The following MED1 variants were observed in gnomAD, a reference collection of about 807,000 sequenced individuals.
MED1 encodes mediator complex subunit 1.
A neutral mutation model predicts 121.3 loss-of-function variants in MED1; 17 were observed. The observed-to-expected ratio is 0.14, with a 90% CI of 0.10 to 0.21. MED1 has a LOEUF of 0.21. MED1 is among the 10% of genes least tolerant of loss of function. MED1 has a pLI of 1.00. For synonymous variants in MED1, 661 were observed against 694.4 expected, an observed-to-expected ratio of 0.95 and a Z score of 0.76; for missense variants, 1,558 against 1,919.4, an observed-to-expected ratio of 0.81 and a Z score of 3.52.
At chr17:39,432,241 G>A (rs1241232122) in intron 7 of MED1, among the ~76,000 whole-genome samples, 1 of 150,448 alleles carries the variant, frequency 6.6e-6, no homozygotes, top group African/African-American at 2.4e-5. Context: ...TGCTCGGAAG[G>A]GTGAGGCAGG....
chr17:39,429,701 CTAAAAAAA>C (rs1417514139), intron 9 of MED1, among the ~76,000 whole-genome samples: 2 of 29,076 alleles, frequency 6.9e-5, no homozygotes, highest in Non-Finnish European at 1.4e-4. Flanking sequence ...GCCTAAATGC[CTAAAAAAA>C]AAAAAAAAAA....
At position 39,407,214 on chromosome 17, in the gene MED1, C is replaced by T; in HGVS notation, c.*261G>A. 2 of 247,712 alleles carry T rather than the reference C, an allele frequency of 8.1e-6. No individual in the cohort carries two copies. Among genetic ancestry groups the T allele is most frequent in the South Asian group, 1.7e-4 (1 of 5,800 alleles). 15.3% of individuals were successfully genotyped at this position (247,712 alleles called of 1,614,324 possible). A position where few individuals can be genotyped will look rare whatever the true frequency, so the allele number is the denominator to read the frequency against. On this transcript the variant is annotated 3_prime_UTR_variant, in exon 17 of 17. Transcript: ENST00000300651. ...CTCCCTACACCCCTCCCACCCCCCT[C>T]CCTTTCTTAAGCAAGTATTTTAACT... is the stretch of plus-strand genomic sequence containing the variant.
chr17:39,434,635 A>G (rs985319987), intron 6 of MED1, among the ~76,000 whole-genome samples: 1 of 152,158 alleles, frequency 6.6e-6, no homozygotes, highest in Non-Finnish European at 1.5e-5. Context: ...ATTTAAATCA[A>G]TCATTAACAA....
chr17:39,442,027 C>T (rs894189078), intron 3 of MED1, among the ~76,000 whole-genome samples: 6 of 139,356 alleles, frequency 4.3e-5, no homozygotes, highest in East Asian at 2.4e-4. Flanking sequence ...CACTTGAATC[C>T]GGGAAACGGA....
In MED1 at chr17:39,415,061, G is replaced by A. The variant is rs140297817; in HGVS notation, c.1464C>T (p.Ile488=). The change falls in exon 16 of 17, where the codon ATC becomes ATT. Residue 488 remains isoleucine (I), a synonymous_variant. Transcript: ENST00000300651. ...KLYKGLSDAL[I]CTDDFIAKVV... ...CTTTGGCAATGAAGTCATCTGTGCA[G>A]ATCAGTGCATCCGACAGCCCTTTGT... is the stretch of plus-strand genomic sequence containing the variant. 1 of 1,614,156 alleles carries A rather than the reference G, an allele frequency of 6.2e-7. No homozygotes were observed. The highest frequency in any genetic ancestry group is 8.5e-7 in the Non-Finnish European group (1 of 1,180,018).
intron 16 of MED1, among the ~76,000 whole-genome samples, chr17:39,412,533 CTT>C (rs1170139893): frequency 9.8e-5 from 10 of 102,298 alleles, no homozygotes; most frequent in African/African-American, 1.4e-4. Context: ...GCAAATTTTT[CTT>C]TTTTTTTTTT....
chr17:39,450,311 A>ACC (rs1387970317), intron 1 of MED1, among the ~76,000 whole-genome samples: 1 of 152,142 alleles, frequency 6.6e-6, no homozygotes, highest in Non-Finnish European at 1.5e-5. Context: ...CTGCTGATAA[A>ACC]TATCTGTACT....
At position 39,440,123 on chromosome 17, in the gene MED1, A is replaced by AG. The variant is rs1173035513; in HGVS notation, c.399+262dup. 1.3e-5 allele frequency among the ~76,000 whole-genome samples: 2 copies of AG among 151,952 alleles called. No individual in the cohort carries two copies. ...AAGAAAGAAAAAAGAAAGAAAAGAAAGAAAGGAAGGAAGGAAGGAAGGAAA... is the reference window on the plus strand; with the variant it reads ...AAGAAAGAAAAAAGAAAGAAAAGAAAGGAAAGGAAGGAAGGAAGGAAGGAAA... On this transcript the variant is annotated intron_variant, in intron 5 of 16. Transcript: ENST00000300651. This position sits in a 1 kb window ranked among gnomAD's most constrained non-coding sequence, Gnocchi z 4.1.
intron 9 of MED1, among the ~76,000 whole-genome samples, chr17:39,429,422 G>A (rs541150221): frequency 6.6e-6 from 1 of 152,180 alleles, no homozygotes; most frequent in Non-Finnish European, 1.5e-5. Context: ...AAGCCCAGGC[G>A]CAGTGGCTCA....
In MED1 at chr17:39,407,915, T is replaced by C; in HGVS notation, c.4306A>G (p.Ile1436Val). The C allele has an allele frequency of 1.2e-6, 2 of 1,614,188 alleles. No homozygotes were observed. Among genetic ancestry groups the C allele is most frequent in the Non-Finnish European group, 1.7e-6 (2 of 1,180,042 alleles). ...TCATGCTTTGGAGTGGAACCACTGA[T>C]GAGTGGAGAGCCATAGTTTTTAGAA... ...ASSKNYGSPL[I>V]SGSTPKHERG... The change falls in exon 17 of 17, where the codon ATC becomes GTC. Residue 1436 changes from isoleucine (I) to valine (V), a missense_variant. Coordinates refer to ENST00000300651, the MANE Select transcript of MED1 (RefSeq NM_004774.4).
At chr17:39,424,543 G>T in intron 11 of MED1, 84 bp downstream of exon 11, 1 of 806,970 alleles carries the variant, frequency 1.2e-6, no homozygotes, top group South Asian at 1.6e-5. Context: ...AAATTCAAGT[G>T]GGGTAACAGC....
At chr17:39,429,039 G>T (rs2048540662) in intron 9 of MED1, among the ~76,000 whole-genome samples, 2 of 151,622 alleles carry the variant, frequency 1.3e-5, no homozygotes, top group East Asian at 1.9e-4. Context: ...AAAAAAAAAG[G>T]CCAGGTGAAC....
At chr17:39,431,570 C>T (rs1254592977) in intron 8 of MED1, among the ~76,000 whole-genome samples, 1 of 152,176 alleles carries the variant, frequency 6.6e-6, no homozygotes, top group Non-Finnish European at 1.5e-5. Context: ...TGAGCCACCG[C>T]GCCCAGCCCA....
intron 1 of MED1, among the ~76,000 whole-genome samples, chr17:39,449,900 C>T (rs1343579415): frequency 6.7e-6 from 1 of 149,490 alleles, no homozygotes; most frequent in African/African-American, 2.5e-5. Context: ...CCACAACCTC[C>T]ACCTCCTGGG....
intron 14 of MED1, among the ~76,000 whole-genome samples, chr17:39,416,652 TA>T (rs1213156985): frequency 6.6e-6 from 1 of 152,174 alleles, no homozygotes; most frequent in Non-Finnish European, 1.5e-5. Context: ...CTCCAACTAC[TA>T]AAAATTTCTC....
intron 3 of MED1, among the ~76,000 whole-genome samples, chr17:39,441,857 C>A (rs11650146): frequency 0.63 from 95,742 of 152,102 alleles, 32,852 homozygotes; most frequent in South Asian, 0.89. Context: ...AATCCCAACA[C>A]TTTGGGAGGC....
chr17:39,423,362 G>C lies in MED1; in HGVS notation c.1060C>G (p.Pro354Ala), dbSNP rs760047738. The change falls in exon 13 of 17, where the codon CCC becomes GCC. Residue 354 changes from proline (P) to alanine (A), a missense_variant. Coordinates refer to ENST00000300651, the MANE Select transcript of MED1 (RefSeq NM_004774.4). ...TQFELSKDPD[P>A]IPLNHNMRFY... The stretch of plus-strand genomic sequence containing the variant: ...CTCATGTTGTGATTCAAAGGTATGG[G>C]GTCAGGGTCCTTTGATAGCTCAAAC... The C allele has an allele frequency of 1.9e-6, 3 of 1,613,178 alleles. No homozygotes were observed. Among genetic ancestry groups the C allele is most frequent in the Non-Finnish European group, 1.7e-6 (2 of 1,179,368 alleles).
chr17:39,405,904 C>A lies in MED1; in HGVS notation c.*1571G>T. 2.0e-6 allele frequency: 2 copies of A among 984,626 alleles called. No individual in the cohort carries two copies. The highest frequency in any genetic ancestry group is 2.4e-6 in the Non-Finnish European group (2 of 829,224). The allele number at this position is 984,626 out of a possible 1,614,324, so 61.0% of individuals were successfully genotyped here. ...CTTACGACATAACACACAAAGGAAT[C>A]ACCTGGCTTTTTTTTTTTAACCCAG... is the stretch of plus-strand genomic sequence containing the variant. On this transcript the variant is annotated 3_prime_UTR_variant, in exon 17 of 17. Transcript: ENST00000300651.
At position 39,406,156 on chromosome 17, in the gene MED1, T is replaced by C. The variant is rs564571114; in HGVS notation, c.*1319A>G. On this transcript the variant is annotated 3_prime_UTR_variant, in exon 17 of 17. Transcript: ENST00000300651. ...CCCCCAGAATCCAGACTCAGACCTATTTCTCCAAAAAGGTCCAATTGGGTT... is the reference window on the plus strand; with the variant it reads ...CCCCCAGAATCCAGACTCAGACCTACTTCTCCAAAAAGGTCCAATTGGGTT... 1 of 985,574 alleles carries C rather than the reference T, an allele frequency of 1.0e-6. No individual in the cohort carries two copies. The highest frequency in any genetic ancestry group is 4.7e-5 in the South Asian group (1 of 21,288). 61.1% of individuals were successfully genotyped at this position (985,574 alleles called of 1,614,324 possible). A position where few individuals can be genotyped will look rare whatever the true frequency, so the allele number is the denominator to read the frequency against.
Sources: allele counts gnomAD v4.1 joint callset (sites outside exome capture counted in the v4.1 genomes callset), GRCh38; gene constraint gnomAD v4.1.1; non-coding constraint Gnocchi (gnomAD v3.1); transcripts MANE v1.5; gene names NCBI Gene and HGNC (gene_info 2026-07-23, HGNC 2026-07-21).